ZNF804A: variants seen among roughly 807,000 people sequenced by gnomAD.
ZNF804A encodes zinc finger protein 804A.
In ZNF804A, 2 loss-of-function variants were observed where a neutral mutation model predicts 16.5. That is an observed-to-expected ratio of 0.12 (90% CI 0.05 to 0.38). The LOEUF (loss-of-function observed/expected upper bound fraction) is 0.38. ZNF804A is among the 10% of genes least tolerant of loss of function. The probability of loss-of-function intolerance (pLI) is 0.99; values close to 1 mark genes in which losing one functional copy is unlikely to be tolerated. For missense variants in ZNF804A, 1,473 were observed against 1,390.7 expected (o/e 1.06, Z -0.94); for synonymous variants, 534 against 489.6 (o/e 1.09, Z -1.20).
At chr2:184,872,894 G>A (rs1695997428) in intron 2 of ZNF804A, among the ~76,000 whole-genome samples, 1 of 152,152 alleles carries the variant, frequency 6.6e-6, no homozygotes, top group African/African-American at 2.4e-5. Flanking sequence ...TACAGGTATA[G>A]ACAGATTGAT....
At chr2:184,744,890 T>C (rs1414998172) in intron 1 of ZNF804A, among the ~76,000 whole-genome samples, 1 of 151,832 alleles carries the variant, frequency 6.6e-6, no homozygotes, top group Non-Finnish European at 1.5e-5. Context: ...AGATTTTCCC[T>C]CTGTGACCTC....
At chr2:184,608,185 T>G (rs1574129195) in intron 1 of ZNF804A, among the ~76,000 whole-genome samples, 1 of 151,866 alleles carries the variant, frequency 6.6e-6, no homozygotes, top group African/African-American at 2.4e-5. Flanking sequence ...GACCTCGTGA[T>G]CCGCCCGCCT....
At chr2:184,618,973 G>A (rs1397768629) in intron 1 of ZNF804A, among the ~76,000 whole-genome samples, 4 of 151,968 alleles carry the variant, frequency 2.6e-5, no homozygotes, top group African/African-American at 7.3e-5. Flanking sequence ...AAAAGATCGG[G>A]GGCCTTTTAA....
chr2:184,833,467 G>A (rs1695297032), intron 1 of ZNF804A, among the ~76,000 whole-genome samples: 1 of 152,064 alleles, frequency 6.6e-6, no homozygotes, highest in African/African-American at 2.4e-5. Context: ...TGTAGCTAAT[G>A]TGACCTCAGA....
At chr2:184,807,473 T>C (rs1694825377) in intron 1 of ZNF804A, among the ~76,000 whole-genome samples, 1 of 151,744 alleles carries the variant, frequency 6.6e-6, no homozygotes, top group Non-Finnish European at 1.5e-5. Flanking sequence ...CAATGAAAAA[T>C]CATTCTCAGC....
intron 2 of ZNF804A, among the ~76,000 whole-genome samples, chr2:184,896,077 GT>G (rs1308813728): frequency 6.6e-6 from 1 of 151,570 alleles, no homozygotes; most frequent in Non-Finnish European, 1.5e-5. Context: ...TTTGCCACGT[GT>G]TTTTTTTCTG....
chr2:184,710,902 A>T lies in ZNF804A; in HGVS notation c.111+111832A>T, dbSNP rs576105771. On this transcript the variant is annotated intron_variant, in intron 1 of 3. Coordinates refer to ENST00000302277, the MANE Select transcript of ZNF804A (RefSeq NM_194250.2). ...TATGCCATGTTTTATTTGTCCATTT[A>T]TCCATTGATGGACATTTAGGTTGCT... Among the ~76,000 whole-genome samples, 3 of 151,866 alleles carry T rather than the reference A, an allele frequency of 2.0e-5. No individual in the cohort carries two copies. In the South Asian group the frequency reaches 6.2e-4, roughly 31 times the overall value.
Position 184,939,161 on chromosome 2 carries a change from C to A in ZNF804A, c.*135C>A, listed in dbSNP as rs1685854279. 11 of 1,105,468 alleles carry A rather than the reference C, an allele frequency of 1.0e-5. No individual in the cohort carries two copies. The South Asian group carries it at 1.6e-4, about 16-fold the overall frequency. The allele number at this position is 1,105,468 out of a possible 1,614,324, so 68.5% of individuals were successfully genotyped here. ...ATACATGGCGTCATTGGTTTGAAAT[C>A]ATTTACTGTAAGTGCAATGATGCAA... On this transcript the variant is annotated 3_prime_UTR_variant, in exon 4 of 4. Coordinates refer to ENST00000302277, the MANE Select transcript of ZNF804A (RefSeq NM_194250.2).
intron 1 of ZNF804A, among the ~76,000 whole-genome samples, chr2:184,775,936 A>G (rs1407112662): frequency 6.6e-6 from 1 of 151,632 alleles, no homozygotes; most frequent in African/African-American, 2.4e-5. Flanking sequence ...TACGCTCCAG[A>G]AGAATTTTGC....
intron 1 of ZNF804A, among the ~76,000 whole-genome samples, chr2:184,815,624 A>G (rs1271702028): frequency 6.6e-6 from 1 of 151,978 alleles, no homozygotes; most frequent in Admixed American, 6.6e-5. Context: ...TTTAATATCT[A>G]TAAAGCAGTT....
chr2:184,821,470 A>C (rs1415665117), intron 1 of ZNF804A, among the ~76,000 whole-genome samples: 2 of 152,124 alleles, frequency 1.3e-5, no homozygotes, highest in Admixed American at 1.3e-4. Context: ...CCTAGAACAA[A>C]ATCTACGCAA....
At chr2:184,762,044 A>G (rs1559143856) in intron 1 of ZNF804A, among the ~76,000 whole-genome samples, 2 of 152,080 alleles carry the variant, frequency 1.3e-5, no homozygotes, top group South Asian at 4.1e-4. Flanking sequence ...TGCTGAAAGG[A>G]GGATAAAGGA....
At position 184,690,663 on chromosome 2, in the gene ZNF804A, A is replaced by C. The variant is rs557024490; in HGVS notation, c.111+91593A>C. ...CATTAAATCAAGAAATATTTACTGA[A>C]TGTCACCTTTATGAAACAATTGAAG... On this transcript the variant is annotated intron_variant, in intron 1 of 3. Coordinates refer to ENST00000302277, the MANE Select transcript of ZNF804A (RefSeq NM_194250.2). Among the ~76,000 whole-genome samples, 4 of 152,148 alleles carry C rather than the reference A, an allele frequency of 2.6e-5. No homozygotes were observed. The South Asian group carries it at 6.2e-4, about 24-fold the overall frequency.
At chr2:184,930,083 TA>T (rs201182873) in intron 2 of ZNF804A, among the ~76,000 whole-genome samples, 5 of 152,038 alleles carry the variant, frequency 3.3e-5, no homozygotes, top group African/African-American at 4.8e-5. Context: ...TTTCTTTAAT[TA>T]AAAAAAATCT....
At chr2:184,770,088 A>G (rs1694188578) in intron 1 of ZNF804A, among the ~76,000 whole-genome samples, 1 of 152,006 alleles carries the variant, frequency 6.6e-6, no homozygotes, top group East Asian at 1.9e-4. Flanking sequence ...TCTACCATCT[A>G]CTCAATATGT....
At chr2:184,617,521 T>A (rs1366000917) in intron 1 of ZNF804A, among the ~76,000 whole-genome samples, 1 of 151,832 alleles carries the variant, frequency 6.6e-6, no homozygotes, top group Non-Finnish European at 1.5e-5. Context: ...TATCGAAGAT[T>A]TAACAATTGA....
chr2:184,703,824 A>T (rs1250731913), intron 1 of ZNF804A, among the ~76,000 whole-genome samples: 1 of 152,062 alleles, frequency 6.6e-6, no homozygotes. Context: ...TTAACTTATA[A>T]AAAAAGTGAA....
At chr2:184,785,839 A>G (rs1694439137) in intron 1 of ZNF804A, among the ~76,000 whole-genome samples, 1 of 152,114 alleles carries the variant, frequency 6.6e-6, no homozygotes, top group Non-Finnish European at 1.5e-5. Context: ...AATTACAAAA[A>G]CAGAAGTCAG....
At chr2:184,675,386 T>C (rs1364419294) in intron 1 of ZNF804A, among the ~76,000 whole-genome samples, 1 of 151,808 alleles carries the variant, frequency 6.6e-6, no homozygotes, top group Admixed American at 6.6e-5. Flanking sequence ...ACAGGTTTGT[T>C]TTTTACAAAA....
Sources: allele counts gnomAD v4.1 joint callset (sites outside exome capture counted in the v4.1 genomes callset), GRCh38; gene constraint gnomAD v4.1.1; transcripts MANE v1.5; gene names NCBI Gene and HGNC (gene_info 2026-07-23, HGNC 2026-07-21).